The following ERICH1 variants were observed in gnomAD, a reference collection of about 807,000 sequenced individuals.
The protein encoded by ERICH1 is glutamate-rich protein 1.
Under a neutral mutation model 39.6 loss-of-function variants are expected in ERICH1, and 56 were observed. The ratio of observed to expected loss-of-function variants is 1.41; its 90% confidence interval spans 1.14 to 1.77. The LOEUF is 1.77. Among genes scored for constraint, ERICH1 ranks in the 40% most tolerant of loss-of-function variants. ERICH1 has a pLI of 0.00. For synonymous variants in ERICH1, 313 were observed against 223.6 expected (o/e 1.40, Z -3.57); for missense variants, 826 against 575.4 (o/e 1.44, Z -4.45).
At chr8:632,907 A>T (rs897327636) in intron 3 of ERICH1, among the ~76,000 whole-genome samples, 3 of 152,178 alleles carry the variant, frequency 2.0e-5, no homozygotes, top group African/African-American at 7.2e-5. Flanking sequence ...AGTGCACAAG[A>T]CGTCCCACGG....
intron 3 of ERICH1, among the ~76,000 whole-genome samples, chr8:656,487 C>G (rs998218812): frequency 5.3e-5 from 8 of 152,212 alleles, no homozygotes; most frequent in Non-Finnish European, 1.0e-4. Context: ...AGAAGTAGAG[C>G]TTTCTCCTCC....
intron 3 of ERICH1, among the ~76,000 whole-genome samples, chr8:658,342 G>T (rs769425193): frequency 1.1e-4 from 17 of 152,128 alleles, no homozygotes; most frequent in Non-Finnish European, 2.1e-4. Context: ...CGGGAGGTGG[G>T]TTACTGTGAG....
At chr8:676,714 C>T (rs1441764142) in intron 3 of ERICH1, among the ~76,000 whole-genome samples, 2 of 152,332 alleles carry the variant, frequency 1.3e-5, no homozygotes, top group East Asian at 3.9e-4. Context: ...ATACCACGGG[C>T]GTCTGTGCCA....
chr8:687,825 G>A (rs932983506), intron 3 of ERICH1, among the ~76,000 whole-genome samples: 3 of 152,166 alleles, frequency 2.0e-5, no homozygotes, highest in Admixed American at 2.0e-4. Context: ...GGGGCGAGGC[G>A]CGGAGAGGCC....
intron 3 of ERICH1, among the ~76,000 whole-genome samples, chr8:646,943 C>G (rs1279967601): frequency 1.4e-5 from 1 of 69,182 alleles, no homozygotes; most frequent in Admixed American, 1.2e-4. Flanking sequence ...CAAAGCAATT[C>G]ACGCCAGTTA....
At chr8:657,251 C>T (rs10105657) in intron 3 of ERICH1, among the ~76,000 whole-genome samples, 29,383 of 152,188 alleles carry the variant, frequency 0.19, 3,488 homozygotes, top group Middle Eastern at 0.34. Context: ...TGCCCGATTT[C>T]GGTCAGGAGC....
chr8:724,340 T>C (rs1236155921), intron 1 of ERICH1, among the ~76,000 whole-genome samples: 1 of 152,204 alleles, frequency 6.6e-6, no homozygotes, highest in Non-Finnish European at 1.5e-5. Context: ...AAAGAAAATA[T>C]TCCACGCAAA....
At chr8:710,657 T>G (rs984976068) in intron 2 of ERICH1, among the ~76,000 whole-genome samples, 2 of 152,262 alleles carry the variant, frequency 1.3e-5, no homozygotes, top group African/African-American at 4.8e-5. Flanking sequence ...TTTCTTTCAC[T>G]TACTAATAAG....
chr8:641,870 G>T (rs938395647), intron 3 of ERICH1, among the ~76,000 whole-genome samples: 1 of 152,210 alleles, frequency 6.6e-6, no homozygotes, highest in Non-Finnish European at 1.5e-5. Context: ...GGTGCCTCTG[G>T]CCGTATGCAG....
intron 4 of ERICH1, among the ~76,000 whole-genome samples, chr8:669,891 A>T (rs1802900493): frequency 6.6e-6 from 1 of 152,094 alleles, no homozygotes; most frequent in Admixed American, 6.6e-5. Context: ...CCCTGCTTGG[A>T]CTTGGCAGGA....
intron 3 of ERICH1, among the ~76,000 whole-genome samples, chr8:627,881 G>C (rs1797685864): frequency 6.6e-6 from 1 of 152,206 alleles, no homozygotes; most frequent in African/African-American, 2.4e-5. Context: ...GCTCTGGGCA[G>C]ATCCCAGCTG....
chr8:699,833 G>GCACACGCGCACAGACCCT (rs1811375343), intron 2 of ERICH1, among the ~76,000 whole-genome samples: 1 of 73,038 alleles, frequency 1.4e-5, no homozygotes, highest in Non-Finnish European at 3.0e-5. Flanking sequence ...GCACAGACCC[G>GCACACGCGCACAGACCCT]CACAGGCGCA....
intron 3 of ERICH1, among the ~76,000 whole-genome samples, chr8:647,995 G>A (rs1342481512): frequency 1.5e-5 from 1 of 68,002 alleles, no homozygotes; most frequent in African/African-American, 3.8e-5. Flanking sequence ...AGGACAACTC[G>A]TTTCTGCCAC....
At chr8:682,929 A>G (rs887352369) in intron 3 of ERICH1, among the ~76,000 whole-genome samples, 4 of 151,900 alleles carry the variant, frequency 2.6e-5, no homozygotes, top group Non-Finnish European at 5.9e-5. Flanking sequence ...TGCTAAATAA[A>G]AAGTAGTAAA....
chr8:730,130 T>C (rs1001455045), intron 1 of ERICH1, among the ~76,000 whole-genome samples: 1 of 152,164 alleles, frequency 6.6e-6, no homozygotes, highest in South Asian at 2.1e-4. Flanking sequence ...TACGTGAATG[T>C]CCATTTTAGA....
At chr8:665,617 C>G (rs534299761) in intron 5 of ERICH1, among the ~76,000 whole-genome samples, 1 of 152,344 alleles carries the variant, frequency 6.6e-6, no homozygotes, top group Admixed American at 6.5e-5. Flanking sequence ...GGTTGATGTT[C>G]GGAAATCCTC....
chr8:719,347 G>A (rs1260316261), intron 1 of ERICH1, among the ~76,000 whole-genome samples: 2 of 152,164 alleles, frequency 1.3e-5, no homozygotes, highest in Non-Finnish European at 2.9e-5. Flanking sequence ...CATCTCTTGG[G>A]GCAGTTATTT....
chr8:620,514 T>C (rs1291228229), intron 3 of ERICH1, among the ~76,000 whole-genome samples: 1 of 152,204 alleles, frequency 6.6e-6, no homozygotes, highest in Non-Finnish European at 1.5e-5. Context: ...ATCTGCAATG[T>C]ACACTGACCT....
chr8:655,484 C>T (rs1199857801), intron 3 of ERICH1, among the ~76,000 whole-genome samples: 1 of 152,224 alleles, frequency 6.6e-6, no homozygotes, highest in Non-Finnish European at 1.5e-5. Flanking sequence ...GACGATGGTG[C>T]ACCAGCACCT....
Sources: gnomAD v4.1 joint callset for allele counts (sites outside exome capture counted in the v4.1 genomes callset) on GRCh38, gnomAD v4.1.1 for gene constraint, MANE v1.5 for transcripts, NCBI Gene and HGNC (gene_info 2026-07-23, HGNC 2026-07-21) for gene names.